The following RBFOX1 variants were observed in gnomAD, a reference collection of about 807,000 sequenced individuals.
RBFOX1 encodes RNA binding fox-1 homolog 1.
A neutral mutation model predicts 57.7 loss-of-function variants in RBFOX1; 8 were observed. That is an observed-to-expected ratio of 0.14 (90% CI 0.08 to 0.25). The LOEUF is 0.25. RBFOX1 is among the 10% of genes least tolerant of loss of function. RBFOX1 has a pLI of 1.00. For synonymous variants in RBFOX1, 326 were observed against 222.4 expected, an observed-to-expected ratio of 1.47 and a Z score of -4.15; for missense variants, 611 against 548.5, an observed-to-expected ratio of 1.11 and a Z score of -1.14.
intron 4 of RBFOX1, among the ~76,000 whole-genome samples, chr16:7,170,163 T>G (rs577705499): frequency 6.6e-6 from 1 of 152,338 alleles, no homozygotes; most frequent in South Asian, 2.1e-4. Flanking sequence ...ACTTCAAATT[T>G]CCAAAACCCC....
intron 2 of RBFOX1, among the ~76,000 whole-genome samples, chr16:5,526,737 C>T (rs549171156): frequency 1.3e-5 from 2 of 152,324 alleles, no homozygotes; most frequent in East Asian, 3.9e-4. Flanking sequence ...CCCCAGCCTG[C>T]ATCCACGTAC....
intron 3 of RBFOX1, among the ~76,000 whole-genome samples, chr16:5,645,712 C>G (rs1431407302): frequency 1.3e-5 from 2 of 152,208 alleles, no homozygotes; most frequent in African/African-American, 4.8e-5. Flanking sequence ...GGCACCCAGA[C>G]TGGAGTGCAG....
chr16:5,443,401 G>A (rs1223373046), intron 1 of RBFOX1, among the ~76,000 whole-genome samples: 1 of 152,100 alleles, frequency 6.6e-6, no homozygotes, highest in East Asian at 1.9e-4. Flanking sequence ...GCAGTGTCGC[G>A]ATCTTGGCTC....
At chr16:6,814,976 T>C (rs1351997654) in intron 3 of RBFOX1, among the ~76,000 whole-genome samples, 2 of 152,136 alleles carry the variant, frequency 1.3e-5, no homozygotes, top group African/African-American at 2.4e-5. Flanking sequence ...GGCAGAGCAG[T>C]GGTATGGGCC....
At chr16:5,608,608 A>G (rs896027852) in intron 3 of RBFOX1, among the ~76,000 whole-genome samples, 3 of 152,204 alleles carry the variant, frequency 2.0e-5, no homozygotes, top group African/African-American at 7.2e-5. Flanking sequence ...CTTAGGAGAG[A>G]GCACTAGAGA....
At chr16:5,523,674 T>A (rs905782895) in intron 2 of RBFOX1, among the ~76,000 whole-genome samples, 5 of 152,202 alleles carry the variant, frequency 3.3e-5, no homozygotes, top group African/African-American at 1.2e-4. Context: ...ATACACTGAT[T>A]TCCTTTCCTT....
chr16:6,333,323 G>T (rs563901604), intron 2 of RBFOX1, among the ~76,000 whole-genome samples: 19 of 152,340 alleles, frequency 1.2e-4, no homozygotes, highest in African/African-American at 4.1e-4. Flanking sequence ...GGGATGACAG[G>T]TGTGAGCCAC....
At chr16:5,698,250 G>C (rs1026011482) in intron 3 of RBFOX1, among the ~76,000 whole-genome samples, 1 of 152,046 alleles carries the variant, frequency 6.6e-6, no homozygotes, top group East Asian at 1.9e-4. Context: ...TACCCCCAGT[G>C]AGTCATGACT....
intron 1 of RBFOX1, among the ~76,000 whole-genome samples, chr16:6,067,194 C>T (rs992647972): frequency 4.6e-5 from 7 of 152,164 alleles, no homozygotes; most frequent in Admixed American, 2.0e-4. Context: ...GAACTCCTTA[C>T]GTCCTCGATT....
chr16:5,280,273 C>G (rs148135115), intron 1 of RBFOX1, among the ~76,000 whole-genome samples: 1 of 152,260 alleles, frequency 6.6e-6, no homozygotes, highest in East Asian at 1.9e-4. Context: ...GTTTGCATTC[C>G]TGGGATAAAT....
chr16:5,477,642 C>T (rs1026196754), intron 2 of RBFOX1, among the ~76,000 whole-genome samples: 1 of 152,196 alleles, frequency 6.6e-6, no homozygotes, highest in African/African-American at 2.4e-5. Context: ...TATCTTACTG[C>T]TTACCCTCAT....
chr16:6,232,927 C>T (rs62015086), intron 1 of RBFOX1, among the ~76,000 whole-genome samples: 58,318 of 151,952 alleles, frequency 0.38, 11,981 homozygotes, highest in Middle Eastern at 0.53. Context: ...GCGTCAGTGC[C>T]AGCATAAGGG....
chr16:7,267,415 A>T (rs925491672), intron 4 of RBFOX1, among the ~76,000 whole-genome samples: 2 of 151,892 alleles, frequency 1.3e-5, no homozygotes, highest in African/African-American at 4.8e-5. Flanking sequence ...GTGCACCTGC[A>T]ATCCCAGTTA....
chr16:7,126,218 G>A, intron 4 of RBFOX1: 1 of 173,932 alleles, frequency 5.7e-6, no homozygotes, highest in East Asian at 1.7e-4. Flanking sequence ...CACTTAACAT[G>A]CAATATTAAG....
intron 1 of RBFOX1, among the ~76,000 whole-genome samples, chr16:6,074,001 T>G (rs937097381): frequency 6.6e-6 from 1 of 151,954 alleles, no homozygotes; most frequent in Non-Finnish European, 1.5e-5. Context: ...CAGAGTGGAG[T>G]GCAGGGGTGC....
intron 1 of RBFOX1, among the ~76,000 whole-genome samples, chr16:5,373,425 C>T (rs1156262274): frequency 6.6e-6 from 1 of 152,018 alleles, no homozygotes; most frequent in African/African-American, 2.4e-5. Flanking sequence ...AGTGAGTTCC[C>T]ACATCTGGTT....
In RBFOX1 at chr16:5,398,825, T is replaced by A. The variant is rs751457853; in HGVS notation, c.220-68391T>A. On this transcript the variant is annotated intron_variant, in intron 1 of 2. Transcript: ENST00000585867. Reference sequence around the variant, plus strand: ...AAACCCTGCGCTCATTTCAGAGGAATTGAATTTGAGTCTAGTTTAAGTTAA... The same window carrying A: ...AAACCCTGCGCTCATTTCAGAGGAAATGAATTTGAGTCTAGTTTAAGTTAA... Among the ~76,000 whole-genome samples the A allele has an allele frequency of 2.0e-5, 3 of 152,120 alleles. No homozygotes were observed. The East Asian group carries it at 5.8e-4, about 29-fold the overall frequency.
chr16:6,027,805 C>CCTCT (rs764058158), intron 1 of RBFOX1, among the ~76,000 whole-genome samples: 45 of 152,248 alleles, frequency 3.0e-4, no homozygotes, highest in East Asian at 1.9e-3. Flanking sequence ...TTGACTGTAA[C>CCTCT]TGAGGTGACA....
intron 2 of RBFOX1, among the ~76,000 whole-genome samples, chr16:5,565,463 T>C (rs2046032199): frequency 6.6e-6 from 1 of 151,862 alleles, no homozygotes; most frequent in Non-Finnish European, 1.5e-5. Flanking sequence ...CTGTGTCTAC[T>C]AAAAATACAA....
Sources: gnomAD v4.1 joint callset for allele counts (sites outside exome capture counted in the v4.1 genomes callset) on GRCh38, gnomAD v4.1.1 for gene constraint, MANE v1.5 for transcripts, NCBI Gene and HGNC (gene_info 2026-07-23, HGNC 2026-07-21) for gene names.